The following PTPRG variants were observed in gnomAD, a reference collection of about 807,000 sequenced individuals.
The protein encoded by PTPRG is protein tyrosine phosphatase receptor type G, also known as receptor-type tyrosine-protein phosphatase gamma.
PTPRG carries 102 observed loss-of-function variants against 165.3 expected under a neutral mutation model. The observed-to-expected ratio is 0.62, with a 90% CI of 0.53 to 0.73. The LOEUF (loss-of-function observed/expected upper bound fraction) is 0.73, where lower values mean the gene tolerates loss of function less well. PTPRG is among the 30% of genes least tolerant of loss of function. The probability of loss-of-function intolerance (pLI) is 0.00; values close to 1 mark genes in which losing one functional copy is unlikely to be tolerated. For synonymous variants in PTPRG, 675 were observed against 669.5 expected (o/e 1.01, Z -0.13); for missense variants, 1,866 against 1,861.4 (o/e 1.00, Z -0.05).
chr3:61,918,088 C>T (rs1354847358), intron 2 of PTPRG, among the ~76,000 whole-genome samples: 2 of 152,020 alleles, frequency 1.3e-5, no homozygotes, highest in Admixed American at 6.6e-5. Flanking sequence ...AATTTTTTCC[C>T]CTATAACTTG....
intron 1 of PTPRG, among the ~76,000 whole-genome samples, chr3:61,636,732 C>T (rs1295728319): frequency 6.6e-6 from 1 of 152,174 alleles, no homozygotes; most frequent in African/African-American, 2.4e-5. Flanking sequence ...GTAGTTTCCA[C>T]TTTTGACTAT....
intron 1 of PTPRG, among the ~76,000 whole-genome samples, chr3:61,638,343 G>A (rs922002544): frequency 1.3e-5 from 2 of 151,760 alleles, no homozygotes; most frequent in African/African-American, 4.8e-5. Flanking sequence ...CTCCATTTAA[G>A]TAATGTGTAG....
At chr3:62,010,377 T>TGTGG (rs1480149603) in intron 4 of PTPRG, among the ~76,000 whole-genome samples, 1 of 150,666 alleles carries the variant, frequency 6.6e-6, no homozygotes, top group Non-Finnish European at 1.5e-5. Flanking sequence ...TTCTTGTGTG[T>TGTGG]GTGTGTGTGT....
chr3:61,727,440 C>T lies in PTPRG; in HGVS notation c.86-21438C>T, dbSNP rs541572548. 9.9e-5 allele frequency among the ~76,000 whole-genome samples: 15 copies of T among 152,188 alleles called. No individual in the cohort carries two copies. In the South Asian group the frequency reaches 1.7e-3, roughly 17 times the overall value. On this transcript the variant is annotated intron_variant, in intron 1 of 29. Transcript: ENST00000474889. ...GATTTGGGATTATGGGCATGACCCA[C>T]GGTGCCCGGCCCATATCAAAAAGTT...
chr3:61,932,587 C>A lies in PTPRG; in HGVS notation c.191-57038C>A, dbSNP rs568793302. Among the ~76,000 whole-genome samples, 303 of 152,288 alleles carry A rather than the reference C, an allele frequency of 2.0e-3. 1 individual carries two copies. The highest frequency in any genetic ancestry group is 3.7e-3 in the Non-Finnish European group (251 of 68,022). On this transcript the variant is annotated intron_variant, in intron 2 of 29. Coordinates refer to ENST00000474889, the MANE Select transcript of PTPRG (RefSeq NM_002841.4). ...GTTTTCATGCTTTCATTTGCATTAT[C>A]ACAGCAAGTCTTCAAGCTAGCATTG...
intron 3 of PTPRG, among the ~76,000 whole-genome samples, chr3:61,994,874 C>T (rs1236399141): frequency 6.6e-6 from 1 of 152,116 alleles, no homozygotes; most frequent in African/African-American, 2.4e-5. Flanking sequence ...AACTACCCCT[C>T]CCCAAGGTCA....
chr3:62,098,097 A>G (rs1702175481), intron 5 of PTPRG, among the ~76,000 whole-genome samples: 1 of 152,232 alleles, frequency 6.6e-6, no homozygotes, highest in South Asian at 2.1e-4. Flanking sequence ...TAGAAAAAAT[A>G]GTTTAATATC....
chr3:61,573,005 A>G (rs906815122), intron 1 of PTPRG, among the ~76,000 whole-genome samples: 2 of 152,218 alleles, frequency 1.3e-5, no homozygotes, highest in African/African-American at 4.8e-5. Flanking sequence ...GGCTGATGAC[A>G]TGACTTCTTT....
At chr3:62,071,303 A>G (rs1445609363) in intron 4 of PTPRG, among the ~76,000 whole-genome samples, 1 of 152,240 alleles carries the variant, frequency 6.6e-6, no homozygotes, top group South Asian at 2.1e-4. Flanking sequence ...AGCTTTCTAA[A>G]TCTGCATATA....
chr3:62,003,284 CAG>C, intron 3 of PTPRG, 63 bp from the exon 4 acceptor site: 3 of 1,533,714 alleles, frequency 2.0e-6, no homozygotes, highest in Non-Finnish European at 2.7e-6. Context: ...TTAGAAGTAA[CAG>C]AAAAACTCCA....
chr3:61,996,863 T>A (rs1248182085), intron 3 of PTPRG, among the ~76,000 whole-genome samples: 1 of 152,204 alleles, frequency 6.6e-6, no homozygotes, highest in Non-Finnish European at 1.5e-5. Context: ...GTGTTTCCTG[T>A]CTGCTAAGCT....
intron 2 of PTPRG, among the ~76,000 whole-genome samples, chr3:61,779,025 A>G (rs1423399911): frequency 2.0e-5 from 3 of 152,136 alleles, no homozygotes; most frequent in African/African-American, 7.2e-5. Flanking sequence ...AATCCTAAGG[A>G]TGATGAAAAA....
At chr3:62,083,290 G>A (rs972586949) in intron 5 of PTPRG, among the ~76,000 whole-genome samples, 4 of 150,166 alleles carry the variant, frequency 2.7e-5, no homozygotes, top group Non-Finnish European at 4.4e-5. Flanking sequence ...TGTGGAGAAC[G>A]GGGTCTCACT....
At chr3:61,885,745 A>G (rs1452721432) in intron 2 of PTPRG, among the ~76,000 whole-genome samples, 3 of 72,178 alleles carry the variant, frequency 4.2e-5, no homozygotes, top group Non-Finnish European at 8.2e-5. Context: ...GTGCAGTGGC[A>G]CTATCGTAGC....
chr3:61,576,559 A>G (rs571639889), intron 1 of PTPRG, among the ~76,000 whole-genome samples: 50 of 152,336 alleles, frequency 3.3e-4, no homozygotes, highest in South Asian at 2.3e-3. Flanking sequence ...GCTTTTTGCT[A>G]CTGAAGCCTG....
chr3:62,257,911 C>T (rs1264371850), intron 16 of PTPRG, among the ~76,000 whole-genome samples: 1 of 152,164 alleles, frequency 6.6e-6, no homozygotes, highest in African/African-American at 2.4e-5. Context: ...CTGCAGTGAC[C>T]TATGACCGTA....
intron 2 of PTPRG, among the ~76,000 whole-genome samples, chr3:61,911,237 T>C (rs1159511722): frequency 6.6e-6 from 1 of 152,214 alleles, no homozygotes; most frequent in Admixed American, 6.5e-5. Context: ...ACATTTCCCT[T>C]GTGAACTTCG....
rs138654053 is a variant in PTPRG at position 61,946,979 on chromosome 3, C to T, written c.191-42646C>T. 1.6e-3 allele frequency among the ~76,000 whole-genome samples: 249 copies of T among 152,268 alleles called. 2 individuals carry two copies. The highest frequency in any genetic ancestry group is 0.012 in the Admixed American group (179 of 15,284). ...GAAGAGTGTTCTGCTAAAATCTCTT[C>T]TTGGGGGATGTATGTTTGGGGTTAA... On this transcript the variant is annotated intron_variant, in intron 2 of 29. Transcript: ENST00000474889.
chr3:61,839,265 G>A (rs933849257), intron 2 of PTPRG, among the ~76,000 whole-genome samples: 23 of 152,162 alleles, frequency 1.5e-4, no homozygotes, highest in African/African-American at 5.6e-4. Flanking sequence ...GATTACACCT[G>A]AAAAATATTT....
Sources: allele counts gnomAD v4.1 joint callset (sites outside exome capture counted in the v4.1 genomes callset), GRCh38; gene constraint gnomAD v4.1.1; transcripts MANE v1.5; gene names NCBI Gene and HGNC (gene_info 2026-07-23, HGNC 2026-07-21).